Variants in TP63 observed in about 807,000 individuals in gnomAD.
The protein encoded by TP63 is tumor protein p63.
TP63 carries 17 observed loss-of-function variants against 82.8 expected under a neutral mutation model. That is an observed-to-expected ratio of 0.21 (90% CI 0.14 to 0.31). TP63 has a LOEUF of 0.31. Among genes scored for constraint, TP63 ranks in the 10% least tolerant of loss-of-function variants. TP63 has a pLI of 1.00. For missense variants in TP63, 648 were observed against 895.3 expected (o/e 0.72, Z 3.52); for synonymous variants, 330 against 321.7 (o/e 1.03, Z -0.28).
At chr3:189,876,534 C>T (rs1719250902) in intron 10 of TP63, among the ~76,000 whole-genome samples, 2 of 152,160 alleles carry the variant, frequency 1.3e-5, no homozygotes, top group Admixed American at 1.3e-4. Flanking sequence ...CTGGTGTGTT[C>T]ATTTAACTGT....
chr3:189,621,180 A>G, the TP63 span, among the ~76,000 whole-genome samples: 2 of 152,192 alleles, frequency 1.3e-5, no homozygotes, highest in African/African-American at 2.4e-5. Context: ...AGAAGAAAAT[A>G]TTCTTTTCAC....
chr3:189,683,433 T>G (rs1196708909), intron 1 of TP63, among the ~76,000 whole-genome samples: 1 of 152,208 alleles, frequency 6.6e-6, no homozygotes, highest in African/African-American at 2.4e-5. Context: ...TACATAATGT[T>G]TTGATAATAA....
intron 10 of TP63, among the ~76,000 whole-genome samples, chr3:189,884,200 T>A (rs962793369): frequency 1.3e-5 from 2 of 152,192 alleles, no homozygotes; most frequent in Non-Finnish European, 2.9e-5. Flanking sequence ...GCCCCAAGCT[T>A]TCCTATACTC....
At chr3:189,819,677 A>G (rs572804942) in intron 4 of TP63, among the ~76,000 whole-genome samples, 4 of 152,248 alleles carry the variant, frequency 2.6e-5, no homozygotes, top group Non-Finnish European at 4.4e-5. Context: ...AAGAGTTACC[A>G]AAAGATACTT....
chr3:189,826,026 G>A (rs758365270), intron 4 of TP63, among the ~76,000 whole-genome samples: 7 of 151,874 alleles, frequency 4.6e-5, no homozygotes, highest in Non-Finnish European at 7.4e-5. Flanking sequence ...GGGCAGAAAA[G>A]GGAAGAAAAA....
intron 4 of TP63, among the ~76,000 whole-genome samples, chr3:189,858,716 A>T (rs921617263): frequency 2.0e-5 from 3 of 152,132 alleles, no homozygotes; most frequent in Non-Finnish European, 4.4e-5. Context: ...GAGGTCGAGG[A>T]TGCAGTGAGC....
intron 1 of TP63, among the ~76,000 whole-genome samples, chr3:189,722,657 T>A (rs1307119089): frequency 6.6e-6 from 1 of 152,236 alleles, no homozygotes; most frequent in Non-Finnish European, 1.5e-5. Context: ...AAAGCTCATG[T>A]ACCTTCCCCA....
intron 1 of TP63, among the ~76,000 whole-genome samples, chr3:189,644,238 C>T (rs973191035): frequency 6.7e-5 from 10 of 149,882 alleles, no homozygotes; most frequent in African/African-American, 2.5e-4. Flanking sequence ...TGCACCAAGT[C>T]CCTTCCCCTC....
At chr3:189,672,708 A>AAGGAAGGAAG (rs1474402060) in intron 1 of TP63, among the ~76,000 whole-genome samples, 1 of 102,274 alleles carries the variant, frequency 9.8e-6, no homozygotes, top group Non-Finnish European at 2.2e-5. Context: ...AAGGAAGGAA[A>AAGGAAGGAAG]GAAGGAAGGC....
chr3:189,620,060 G>T, the TP63 span, among the ~76,000 whole-genome samples: 1 of 152,186 alleles, frequency 6.6e-6, no homozygotes, highest in Non-Finnish European at 1.5e-5. Context: ...GCGGAAGAAG[G>T]GGGGCACTTC....
chr3:189,627,919 T>C (rs982388161), upstream of TP63, among the ~76,000 whole-genome samples: 3 of 152,148 alleles, frequency 2.0e-5, no homozygotes, highest in African/African-American at 7.2e-5. Flanking sequence ...GTCAAGTGTT[T>C]TGTGGAAATT....
At chr3:189,765,432 G>GTTTTTTTTTTTTTTTTT (rs1560167431) in intron 3 of TP63, among the ~76,000 whole-genome samples, 18 of 6,152 alleles carry the variant, frequency 2.9e-3, no homozygotes, top group Non-Finnish European at 4.8e-3. Flanking sequence ...CCTGTCCTCT[G>GTTTTTTTTTTTTTTTTT]CTTTTTTTTT....
chr3:189,890,086 C>T (rs1019508052), intron 12 of TP63, among the ~76,000 whole-genome samples: 1 of 152,154 alleles, frequency 6.6e-6, no homozygotes, highest in Non-Finnish European at 1.5e-5. Context: ...AGAGTAGGTT[C>T]CCAGATTTCT....
At chr3:189,617,019 T>A in the TP63 span, among the ~76,000 whole-genome samples, 1 of 152,224 alleles carries the variant, frequency 6.6e-6, no homozygotes, top group African/African-American at 2.4e-5. Context: ...TTCTGCTTCC[T>A]TCTTTGTGGT....
intron 1 of TP63, among the ~76,000 whole-genome samples, chr3:189,685,254 G>C (rs1716338798): frequency 6.6e-6 from 1 of 152,176 alleles, no homozygotes; most frequent in Non-Finnish European, 1.5e-5. Context: ...GCTTGGTTGG[G>C]TTAGAGTTGA....
chr3:189,786,580 T>G (rs1724621090), intron 3 of TP63, among the ~76,000 whole-genome samples: 1 of 151,954 alleles, frequency 6.6e-6, no homozygotes, highest in Non-Finnish European at 1.5e-5. Flanking sequence ...AATGTTAGCA[T>G]TTTGTTATTT....
rs572103473 is a variant in TP63, at chr3:189,644,672, C to G, written c.62+13095C>G. On this transcript the variant is annotated intron_variant, in intron 1 of 13. Coordinates refer to ENST00000264731, the MANE Select transcript of TP63 (RefSeq NM_003722.5). ...CCCAAAAGTGAGTAGTCTTTTATCTCTCACTTCCCAACCACTCTTCCCCTT... is the reference window on the plus strand; with the variant it reads ...CCCAAAAGTGAGTAGTCTTTTATCTGTCACTTCCCAACCACTCTTCCCCTT... Among the ~76,000 whole-genome samples the G allele has an allele frequency of 7.5e-4, 114 of 152,090 alleles. 1 individual carries two copies. The highest frequency in any genetic ancestry group is 1.3e-3 in the Non-Finnish European group (87 of 68,028).
At chr3:189,875,223 A>G (rs1019998372) in intron 10 of TP63, among the ~76,000 whole-genome samples, 4 of 151,708 alleles carry the variant, frequency 2.6e-5, no homozygotes, top group African/African-American at 9.7e-5. Flanking sequence ...ATTTCATATA[A>G]TTTTCACATG....
chr3:189,720,032 C>T (rs577228058), intron 1 of TP63, among the ~76,000 whole-genome samples: 1 of 152,302 alleles, frequency 6.6e-6, no homozygotes, highest in African/African-American at 2.4e-5. Context: ...TTCTCTCCTG[C>T]CTTCACAAGC....
Sources: gnomAD v4.1 joint callset for allele counts (sites outside exome capture counted in the v4.1 genomes callset) on GRCh38, gnomAD v4.1.1 for gene constraint, MANE v1.5 for transcripts, NCBI Gene and HGNC (gene_info 2026-07-23, HGNC 2026-07-21) for gene names.